The following INPP5K variants were observed in gnomAD, a reference collection of about 807,000 sequenced individuals.
The protein encoded by INPP5K is inositol polyphosphate-5-phosphatase K.
INPP5K carries 35 observed loss-of-function variants against 53.5 expected under a neutral mutation model. The observed-to-expected ratio is 0.65, with a 90% CI of 0.50 to 0.87. The LOEUF is 0.87. Among genes scored for constraint, INPP5K ranks in the 40% least tolerant of loss-of-function variants. The pLI, the probability that INPP5K is intolerant of heterozygous loss-of-function variation, is 0.00. For missense variants in INPP5K, 550 were observed against 586.2 expected (o/e 0.94, Z 0.64); for synonymous variants, 253 against 232.8 (o/e 1.09, Z -0.79).
intron 8 of INPP5K, among the ~76,000 whole-genome samples, chr17:1,497,189 G>A (rs2074875941): frequency 6.6e-6 from 1 of 152,218 alleles, no homozygotes. Context: ...AGAACACAAC[G>A]CAGATACCAG....
chr17:1,513,754 A>G, intron 2 of INPP5K, 118 bp downstream of exon 2: 1 of 916,118 alleles, frequency 1.1e-6, no homozygotes, highest in South Asian at 1.6e-5. Context: ...CTGTCCCTGA[A>G]GCAGGCTGAA....
In INPP5K at chr17:1,513,888, C is replaced by A; in HGVS notation, c.136G>T (p.Asp46Tyr). The change falls in exon 2 of 12, where the codon GAC becomes TAC. Residue 46 changes from aspartate to tyrosine, a missense_variant. Transcript: ENST00000421807. ...LQLNNRNLNL[D>Y]IYVIGLQELN... The stretch of plus-strand genomic sequence containing the variant: ...GATACCTACCCAATAACATATATGT[C>A]AAGATTGAGGTTCCGGTTGTTCAGC... The A allele has an allele frequency of 6.2e-7, 1 of 1,612,750 alleles. No individual in the cohort carries two copies. The highest frequency in any genetic ancestry group is 8.5e-7 in the Non-Finnish European group (1 of 1,179,074).
At chr17:1,498,411 C>A (rs1348104969) in intron 7 of INPP5K, among the ~76,000 whole-genome samples, 2 of 152,132 alleles carry the variant, frequency 1.3e-5, no homozygotes, top group African/African-American at 4.8e-5. Context: ...CAAAGCTTTG[C>A]TTCTTTCTTG....
rs2075207245 is a variant in INPP5K, at chr17:1,508,103, C to A, written c.666+12G>T. On this transcript the variant is annotated intron_variant, in intron 6 of 11. Coordinates refer to ENST00000421807, the MANE Select transcript of INPP5K (RefSeq NM_016532.4). Reference sequence around the variant, plus strand: ...TCAGATCACCCCCTGGGACCCTCCCCTCACTGGATACCTGGTCCTTCTCCC... The same window carrying A: ...TCAGATCACCCCCTGGGACCCTCCCATCACTGGATACCTGGTCCTTCTCCC... The A allele has an allele frequency of 6.3e-7, 1 of 1,592,150 alleles. No homozygotes were observed. Among genetic ancestry groups the A allele is most frequent in the Non-Finnish European group, 8.6e-7 (1 of 1,159,934 alleles).
Position 1,495,207 on chromosome 17 carries a change from T to C in INPP5K, c.*616A>G, listed in dbSNP as rs1453173742. 2 of 152,292 alleles carry C rather than the reference T, an allele frequency of 1.3e-5. No individual in the cohort carries two copies. The highest frequency in any genetic ancestry group is 2.9e-5 in the Non-Finnish European group (2 of 68,076). The allele number at this position is 152,292 out of a possible 1,614,324, so 9.4% of individuals were successfully genotyped here. On this transcript the variant is annotated 3_prime_UTR_variant, in exon 12 of 12. Coordinates refer to ENST00000421807, the MANE Select transcript of INPP5K (RefSeq NM_016532.4). The stretch of plus-strand genomic sequence containing the variant: ...CCGTGAGTAGGGAGGAAGGTTGTGC[T>C]GGCCGAAGGACCCTCATCAACCTGC...
chr17:1,513,861 C>T lies in INPP5K; in HGVS notation c.152+11G>A, dbSNP rs2075368912. 5.0e-6 allele frequency: 8 copies of T among 1,593,238 alleles called. No individual in the cohort carries two copies. The East Asian group carries it at 1.3e-4, about 27-fold the overall frequency. On this transcript the variant is annotated intron_variant, in intron 2 of 11. Transcript: ENST00000421807. ...GGTCAGGGATGGGCGAAGGAGCCTGCAGATACCTACCCAATAACATATATG... is the reference window on the plus strand; with the variant it reads ...GGTCAGGGATGGGCGAAGGAGCCTGTAGATACCTACCCAATAACATATATG...
At chr17:1,509,057 G>A (rs2075238615) in intron 5 of INPP5K, 121 bp downstream of exon 5, 1 of 910,502 alleles carries the variant, frequency 1.1e-6, no homozygotes, top group Non-Finnish European at 1.7e-6. Context: ...AGGCTCACTC[G>A]TGGGGGTCAG....
chr17:1,513,199 C>T (rs942241999), intron 3 of INPP5K, among the ~76,000 whole-genome samples: 1 of 152,152 alleles, frequency 6.6e-6, no homozygotes, highest in African/African-American at 2.4e-5. Context: ...CCTGCTGCAC[C>T]TCCCCTCAGA....
intron 5 of INPP5K, chr17:1,508,928 C>T (rs2075234103): frequency 2.5e-6 from 1 of 399,160 alleles, no homozygotes; most frequent in Non-Finnish European, 4.5e-6. Flanking sequence ...GAACGGTCTG[C>T]AGACCCAGGC....
At chr17:1,512,662 C>A (rs2075336030) in intron 3 of INPP5K, among the ~76,000 whole-genome samples, 1 of 152,126 alleles carries the variant, frequency 6.6e-6, no homozygotes, top group South Asian at 2.1e-4. Flanking sequence ...GAAGATCTGG[C>A]AACCCAGGGC....
chr17:1,509,533 G>T, intron 4 of INPP5K, 150 bp downstream of exon 4: 1 of 855,060 alleles, frequency 1.2e-6, no homozygotes, highest in Non-Finnish European at 1.9e-6. Context: ...CCTGGCCTCA[G>T]GGATAGCAAG....
Position 1,498,007 on chromosome 17 carries a change from T to C in INPP5K, c.892A>G (p.Arg298Gly). The C allele has an allele frequency of 1.2e-6, 2 of 1,614,064 alleles. No homozygotes were observed. Among genetic ancestry groups the C allele is most frequent in the Non-Finnish European group, 1.7e-6 (2 of 1,180,008 alleles). ...TACGTCATGTGGCTGCTGTAGCCCC[T>C]CAGAGACAAGGAGAAGTGTGACGCC... ...PPASHFSLSL[R>G]GYSSHMTYGI... Residue 298 changes from arginine to glycine, a missense_variant, in exon 8 of 12, where the codon AGG becomes GGG. Transcript: ENST00000421807.
intron 7 of INPP5K, among the ~76,000 whole-genome samples, chr17:1,501,914 A>C (rs1418433832): frequency 6.6e-6 from 1 of 151,918 alleles, no homozygotes; most frequent in East Asian, 1.9e-4. Context: ...ATGTGCCTGT[A>C]ACCCCAGCTA....
At position 1,509,668 on chromosome 17, in the gene INPP5K, T is replaced by C. The variant is rs757329713; in HGVS notation, c.378+15A>G. On this transcript the variant is annotated intron_variant, in intron 4 of 11. Coordinates refer to ENST00000421807, the MANE Select transcript of INPP5K (RefSeq NM_016532.4). ...CCTTCCCAGCTCACGACTCAGACAA[T>C]AGCTCAGTCCTTACCCAGTACCCAA... The C allele has an allele frequency of 2.0e-5, 30 of 1,484,956 alleles. No homozygotes were observed. The highest frequency in any genetic ancestry group is 4.2e-5 in the African/African-American group (3 of 72,204). 92.0% of individuals were successfully genotyped at this position (1,484,956 alleles called of 1,614,324 possible). A position where few individuals can be genotyped will look rare whatever the true frequency, so the allele number is the denominator to read the frequency against.
chr17:1,500,682 A>G (rs1286654192), intron 7 of INPP5K, among the ~76,000 whole-genome samples: 4 of 152,034 alleles, frequency 2.6e-5, no homozygotes, highest in Non-Finnish European at 5.9e-5. Flanking sequence ...ATTTTATACC[A>G]GTATTATACG....
Position 1,497,052 on chromosome 17 carries a change from C to T in INPP5K, c.964-249G>A, listed in dbSNP as rs151198440. Among the ~76,000 whole-genome samples, 948 of 152,328 alleles carry T rather than the reference C, an allele frequency of 6.2e-3. 5 individuals carry two copies. Among genetic ancestry groups the T allele is most frequent in the African/African-American group, 0.022 (897 of 41,582 alleles). The stretch of plus-strand genomic sequence containing the variant: ...GCCCAGCGCTGGGGGGTAGGAATGG[C>T]GGAGAGCAGAGGCACGGCTGAGAGG... On this transcript the variant is annotated intron_variant, in intron 8 of 11. Transcript: ENST00000421807.
chr17:1,509,562 A>G, intron 4 of INPP5K, 121 bp downstream of exon 4: 3 of 890,552 alleles, frequency 3.4e-6, no homozygotes, highest in Non-Finnish European at 5.5e-6. Flanking sequence ...GAGGCAAAAG[A>G]ACAAACATGC....
chr17:1,497,842 G>A (rs2074897420), intron 8 of INPP5K, 94 bp downstream of exon 8: 2 of 1,144,228 alleles, frequency 1.7e-6, no homozygotes, highest in Non-Finnish European at 2.6e-6. Context: ...TCCCCTGGGG[G>A]ACTGGCTGAC....
intron 3 of INPP5K, among the ~76,000 whole-genome samples, chr17:1,512,878 G>C (rs959818570): frequency 6.6e-6 from 1 of 152,214 alleles, no homozygotes; most frequent in Non-Finnish European, 1.5e-5. Flanking sequence ...CAGTCTTAGA[G>C]TTCACCAGCA....
Sources: gnomAD v4.1 joint callset for allele counts (sites outside exome capture counted in the v4.1 genomes callset) on GRCh38, gnomAD v4.1.1 for gene constraint, MANE v1.5 for transcripts, NCBI Gene and HGNC (gene_info 2026-07-23, HGNC 2026-07-21) for gene names.